Variants in RNLS observed in about 807,000 individuals in gnomAD.
RNLS encodes the protein renalase, FAD dependent amine oxidase, also known as renalase.
Under a neutral mutation model 39.8 loss-of-function variants are expected in RNLS, and 39 were observed. The ratio of observed to expected loss-of-function variants is 0.98; its 90% CI spans 0.76 to 1.28. The LOEUF is 1.28. Ranked by LOEUF, RNLS falls within the 50% of genes most tolerant of loss-of-function variation. The pLI is 0.00. For synonymous variants in RNLS, 147 were observed against 150.7 expected (o/e 0.98, Z 0.18); for missense variants, 410 against 413.3 (o/e 0.99, Z 0.07).
At chr10:88,551,101 A>C (rs765746484) in intron 4 of RNLS, among the ~76,000 whole-genome samples, 2 of 152,198 alleles carry the variant, frequency 1.3e-5, no homozygotes, top group African/African-American at 2.4e-5. Context: ...AACCACATGG[A>C]TCAGCTGTCC....
At chr10:88,191,225 C>G in the RNLS span, among the ~76,000 whole-genome samples, 1 of 152,054 alleles carries the variant, frequency 6.6e-6, no homozygotes, top group South Asian at 2.1e-4. Context: ...TCAGCAGCTC[C>G]CTTCTTTGGA....
intron 4 of RNLS, among the ~76,000 whole-genome samples, chr10:88,469,846 T>A (rs1175029922): frequency 2.0e-5 from 3 of 151,508 alleles, no homozygotes; most frequent in Non-Finnish European, 2.9e-5. Context: ...TGTGTGTGTG[T>A]GTGTGTGTGT....
intron 6 of RNLS, among the ~76,000 whole-genome samples, chr10:88,278,196 T>G (rs1467061998): frequency 2.6e-5 from 4 of 152,294 alleles, no homozygotes; most frequent in South Asian, 4.1e-4. Context: ...AACATCTCAA[T>G]TTCTCAATTA....
intron 4 of RNLS, among the ~76,000 whole-genome samples, chr10:88,566,966 T>G (rs1590033261): frequency 1.3e-5 from 2 of 151,976 alleles, no homozygotes; most frequent in Middle Eastern, 6.8e-3. Flanking sequence ...GAGATGGCTC[T>G]AAAGTAAAAT....
intron 4 of RNLS, among the ~76,000 whole-genome samples, chr10:88,464,091 A>C (rs1427926224): frequency 6.6e-6 from 1 of 152,070 alleles, no homozygotes; most frequent in East Asian, 1.9e-4. Context: ...ACAAGTGCTT[A>C]ATTTTCAAAT....
intron 4 of RNLS, among the ~76,000 whole-genome samples, chr10:88,444,701 A>T (rs1386362617): frequency 1.3e-5 from 2 of 152,360 alleles, no homozygotes; most frequent in Admixed American, 6.5e-5. Flanking sequence ...CGATTCGATC[A>T]ACTGGAAGAA....
intron 5 of RNLS, among the ~76,000 whole-genome samples, chr10:88,342,898 T>C (rs1403393428): frequency 6.6e-6 from 1 of 152,180 alleles, no homozygotes; most frequent in East Asian, 1.9e-4. Flanking sequence ...CCACTTGTGT[T>C]TGTAAATAAA....
chr10:88,450,889 T>C (rs1842323571), intron 4 of RNLS, among the ~76,000 whole-genome samples: 1 of 152,048 alleles, frequency 6.6e-6, no homozygotes, highest in Non-Finnish European at 1.5e-5. Context: ...GAGGTTAGGA[T>C]AGGGAGAGTT....
chr10:88,344,458 G>A (rs184139649), intron 5 of RNLS, among the ~76,000 whole-genome samples: 243 of 152,158 alleles, frequency 1.6e-3, no homozygotes, highest in African/African-American at 5.6e-3. Context: ...GACAAATGGA[G>A]TTACTCTTCC....
intron 4 of RNLS, among the ~76,000 whole-genome samples, chr10:88,374,661 C>T (rs1464474081): frequency 6.6e-6 from 1 of 152,022 alleles, no homozygotes; most frequent in Non-Finnish European, 1.5e-5. Context: ...AACTTTTCTC[C>T]CCACACTTGT....
At chr10:88,465,760 G>A (rs1843166827) in intron 4 of RNLS, among the ~76,000 whole-genome samples, 1 of 151,980 alleles carries the variant, frequency 6.6e-6, no homozygotes, top group South Asian at 2.1e-4. Flanking sequence ...TCTACTATTA[G>A]TAGTTGCTTA....
At chr10:88,366,231 G>T (rs530698483) in intron 4 of RNLS, among the ~76,000 whole-genome samples, 1 of 152,086 alleles carries the variant, frequency 6.6e-6, no homozygotes, top group Non-Finnish European at 1.5e-5. Flanking sequence ...TGTTACCTCT[G>T]AGGATTTTAC....
intron 4 of RNLS, among the ~76,000 whole-genome samples, chr10:88,424,193 T>A (rs979326396): frequency 6.6e-6 from 1 of 152,178 alleles, no homozygotes; most frequent in African/African-American, 2.4e-5. Context: ...TCCACCAACA[T>A]GCATAATAGT....
At chr10:88,557,119 T>C (rs1848916856) in intron 4 of RNLS, among the ~76,000 whole-genome samples, 1 of 152,182 alleles carries the variant, frequency 6.6e-6, no homozygotes, top group South Asian at 2.1e-4. Context: ...AAACTGAATT[T>C]TAATTTCTCT....
chr10:88,486,072 T>C lies in RNLS; in HGVS notation c.526+86831A>G, dbSNP rs1468689918. Among the ~76,000 whole-genome samples the C allele has an allele frequency of 2.0e-5, 3 of 152,094 alleles. No homozygotes were observed. The East Asian group carries it at 5.8e-4, about 29-fold the overall frequency. ...AGAGAAAATAGTTGCAAAGCATACATCTAATGATGAACTTGAATCTAGACT... is the reference window on the plus strand; with the variant it reads ...AGAGAAAATAGTTGCAAAGCATACACCTAATGATGAACTTGAATCTAGACT... On this transcript the variant is annotated intron_variant, in intron 4 of 6. Transcript: ENST00000331772.
chr10:88,398,575 T>C (rs981301703), intron 4 of RNLS, among the ~76,000 whole-genome samples: 1 of 151,964 alleles, frequency 6.6e-6, no homozygotes. Context: ...CATCAGAATA[T>C]AGAAAATAAA....
chr10:88,482,694 T>C (rs543469072), intron 4 of RNLS, among the ~76,000 whole-genome samples: 166 of 152,324 alleles, frequency 1.1e-3, no homozygotes, highest in Non-Finnish European at 1.5e-3. Flanking sequence ...TTTTCCTTGG[T>C]TACACTTTCT....
At chr10:88,461,443 CT>C (rs1727541041) in intron 4 of RNLS, among the ~76,000 whole-genome samples, 2 of 152,130 alleles carry the variant, frequency 1.3e-5, no homozygotes, top group Non-Finnish European at 2.9e-5. Context: ...CTTAGGTAAC[CT>C]TTCAGTAATC....
intron 4 of RNLS, among the ~76,000 whole-genome samples, chr10:88,406,668 TAGA>T (rs1405007387): frequency 3.3e-5 from 5 of 152,004 alleles, no homozygotes; most frequent in Non-Finnish European, 5.9e-5. Flanking sequence ...GAACTAAAAG[TAGA>T]ACTATCATTT....
Sources: gnomAD v4.1 joint callset for allele counts (sites outside exome capture counted in the v4.1 genomes callset) on GRCh38, gnomAD v4.1.1 for gene constraint, MANE v1.5 for transcripts, NCBI Gene and HGNC (gene_info 2026-07-23, HGNC 2026-07-21) for gene names.